PDZRN3: variants seen among roughly 807,000 people sequenced by gnomAD.
PDZRN3 encodes the protein PDZ domain containing ring finger 3.
Under a neutral mutation model 85.7 loss-of-function variants are expected in PDZRN3, and 38 were observed. That is an observed-to-expected ratio of 0.44 (90% CI 0.34 to 0.58). The LOEUF (loss-of-function observed/expected upper bound fraction) is 0.58. Ranked by LOEUF, PDZRN3 falls within the 20% of genes least tolerant of loss-of-function variation. PDZRN3 has a pLI of 0.01. For synonymous variants in PDZRN3, 759 were observed against 638.0 expected, an observed-to-expected ratio of 1.19 and a Z score of -2.86; for missense variants, 1,629 against 1,506.4, an observed-to-expected ratio of 1.08 and a Z score of -1.35.
chr3:73,511,353 A>G (rs896812775), intron 3 of PDZRN3, among the ~76,000 whole-genome samples: 68 of 152,306 alleles, frequency 4.5e-4, no homozygotes, highest in African/African-American at 1.6e-3. Flanking sequence ...CATGCTAGAA[A>G]AAAGATCATC....
At chr3:73,440,725 C>T (rs1702619119) in intron 3 of PDZRN3, among the ~76,000 whole-genome samples, 1 of 152,234 alleles carries the variant, frequency 6.6e-6, no homozygotes, top group South Asian at 2.1e-4. Context: ...GAATGAACAA[C>T]TGTGAGTTCG....
At chr3:73,604,227 A>G (rs1702560193) in intron 2 of PDZRN3, among the ~76,000 whole-genome samples, 1 of 152,200 alleles carries the variant, frequency 6.6e-6, no homozygotes, top group Non-Finnish European at 1.5e-5. Context: ...GTCTGAACAC[A>G]TCCGTGTAGC....
At chr3:73,395,486 C>T (rs112319085) in intron 5 of PDZRN3, among the ~76,000 whole-genome samples, 2 of 152,272 alleles carry the variant, frequency 1.3e-5, no homozygotes, top group South Asian at 2.1e-4. Flanking sequence ...GAAATTGAAA[C>T]GATATTCCAA....
intron 3 of PDZRN3, chr3:73,474,695 GA>G (rs1703414695): frequency 1.1e-6 from 1 of 899,908 alleles, no homozygotes; most frequent in African/African-American, 1.8e-5. Flanking sequence ...AACAAAAGAG[GA>G]GCAGCAGGAG....
At chr3:73,532,449 A>G (rs1028419920) in intron 3 of PDZRN3, among the ~76,000 whole-genome samples, 1 of 152,192 alleles carries the variant, frequency 6.6e-6, no homozygotes, top group Admixed American at 6.5e-5. Flanking sequence ...TGCAAACATA[A>G]ATAACAAATA....
At chr3:73,553,647 G>C (rs1267757370) in intron 3 of PDZRN3, among the ~76,000 whole-genome samples, 1 of 151,826 alleles carries the variant, frequency 6.6e-6, no homozygotes, top group African/African-American at 2.4e-5. Flanking sequence ...AAGCAAAGTA[G>C]CCCAGACCCA....
chr3:73,478,436 C>T (rs1703499553), intron 3 of PDZRN3, among the ~76,000 whole-genome samples: 1 of 152,148 alleles, frequency 6.6e-6, no homozygotes, highest in Non-Finnish European at 1.5e-5. Flanking sequence ...TGATCTGTCA[C>T]TGTCTCCCAT....
intron 3 of PDZRN3, among the ~76,000 whole-genome samples, chr3:73,418,317 TG>T (rs1281088331): frequency 6.6e-6 from 1 of 152,160 alleles, no homozygotes; most frequent in Non-Finnish European, 1.5e-5. Context: ...AACATGTTTG[TG>T]GAAAGTATGA....
At chr3:73,605,501 T>C (rs1702586673) in intron 2 of PDZRN3, among the ~76,000 whole-genome samples, 1 of 152,172 alleles carries the variant, frequency 6.6e-6, no homozygotes, top group Admixed American at 6.5e-5. Flanking sequence ...AATGATATGA[T>C]TTTGCTAAGA....
At chr3:73,617,913 C>G (rs1247623775) in intron 1 of PDZRN3, among the ~76,000 whole-genome samples, 1 of 152,182 alleles carries the variant, frequency 6.6e-6, no homozygotes, top group Non-Finnish European at 1.5e-5. Context: ...ACCATGTTGG[C>G]CAGACTGATC....
At chr3:73,540,835 TAG>T (rs1164326350) in intron 3 of PDZRN3, among the ~76,000 whole-genome samples, 4 of 152,302 alleles carry the variant, frequency 2.6e-5, no homozygotes, top group South Asian at 4.1e-4. Flanking sequence ...AACAAATGAT[TAG>T]AGACTACAAT....
chr3:73,384,968 G>A, intron 9 of PDZRN3, 38 bp from the exon 10 acceptor site: 1 of 1,551,068 alleles, frequency 6.4e-7, no homozygotes, highest in Non-Finnish European at 8.7e-7. Context: ...CAGTGAGGGA[G>A]GCCTGCGCAG....
At chr3:73,606,949 C>A (rs772106175) in intron 2 of PDZRN3, among the ~76,000 whole-genome samples, 1 of 152,192 alleles carries the variant, frequency 6.6e-6, no homozygotes, top group Non-Finnish European at 1.5e-5. Context: ...ATCCCAGACT[C>A]AAGACTTAGG....
chr3:73,560,007 T>A (rs1198590225), intron 3 of PDZRN3, among the ~76,000 whole-genome samples: 1 of 152,148 alleles, frequency 6.6e-6, no homozygotes, highest in African/African-American at 2.4e-5. Flanking sequence ...GTCACTGACA[T>A]GATGTAATTA....
Position 73,624,295 on chromosome 3 carries a change from C to T in PDZRN3, c.531G>A (p.Leu177=). 7.3e-7 allele frequency: 1 copy of T among 1,367,122 alleles called. No homozygotes were observed. Among genetic ancestry groups the T allele is most frequent in the Non-Finnish European group, 9.4e-7 (1 of 1,068,724 alleles). 84.7% of individuals were successfully genotyped at this position (1,367,122 alleles called of 1,614,324 possible). ...TCTTGAGCGCCTTGTGCAGCGCGCCCAGGCGGGCCTGGAGCGCGCCGTTGT... is the reference window on the plus strand; with the variant it reads ...TCTTGAGCGCCTTGTGCAGCGCGCCTAGGCGGGCCTGGAGCGCGCCGTTGT... ...RAHNGALQAR[L]GALHKALKKE... Residue 177 remains leucine (L), a synonymous_variant, in exon 1 of 10, where the codon CTG becomes CTA. Coordinates refer to ENST00000263666, the MANE Select transcript of PDZRN3 (RefSeq NM_015009.3).
rs200403854 is a variant in PDZRN3, at chr3:73,586,532, G to T, written c.918+15822C>A. On this transcript the variant is annotated intron_variant, in intron 3 of 9. Coordinates refer to ENST00000263666, the MANE Select transcript of PDZRN3 (RefSeq NM_015009.3). ...GCGGTGTGCAGAGCACAATCAATGT[G>T]TCCCTGCTCTCAAGAGCTTACACTC... Among the ~76,000 whole-genome samples, 32 of 152,324 alleles carry T rather than the reference G, an allele frequency of 2.1e-4. No homozygotes were observed. The East Asian group carries it at 5.8e-3, about 28-fold the overall frequency.
Position 73,409,761 on chromosome 3 carries a change from C to T in PDZRN3, c.919-5366G>A, listed in dbSNP as rs556832759. 1.8e-4 allele frequency among the ~76,000 whole-genome samples: 27 copies of T among 152,128 alleles called. No homozygotes were observed. The South Asian group carries it at 5.6e-3, about 32-fold the overall frequency. On this transcript the variant is annotated intron_variant, in intron 3 of 9. Coordinates refer to ENST00000263666, the MANE Select transcript of PDZRN3 (RefSeq NM_015009.3). ...GTAGCACCTTTCAAAACACAGAGTCCCAGAGAGCCTTCAAAGTTTTCTACA... is the reference window on the plus strand; with the variant it reads ...GTAGCACCTTTCAAAACACAGAGTCTCAGAGAGCCTTCAAAGTTTTCTACA...
At chr3:73,413,826 G>A (rs1035614081) in intron 3 of PDZRN3, among the ~76,000 whole-genome samples, 2 of 152,250 alleles carry the variant, frequency 1.3e-5, no homozygotes, top group Admixed American at 1.3e-4. Context: ...AACGTTCATG[G>A]TGCATGCCAT....
At chr3:73,425,017 A>AT (rs201821381) in intron 3 of PDZRN3, among the ~76,000 whole-genome samples, 58,385 of 143,262 alleles carry the variant, frequency 0.41, 12,557 homozygotes, top group East Asian at 0.74. Flanking sequence ...ATCCATCAGT[A>AT]TTTTTTTTTT....
Sources: gnomAD v4.1 joint callset for allele counts (sites outside exome capture counted in the v4.1 genomes callset) on GRCh38, gnomAD v4.1.1 for gene constraint, MANE v1.5 for transcripts, NCBI Gene and HGNC (gene_info 2026-07-23, HGNC 2026-07-21) for gene names.